Variants in ARHGAP11B observed in about 807,000 individuals in gnomAD.
ARHGAP11B encodes Rho GTPase activating protein 11B.
A neutral mutation model predicts 27.6 loss-of-function variants in ARHGAP11B; 14 were observed. The observed-to-expected ratio is 0.51, with a 90% CI of 0.34 to 0.79. ARHGAP11B has a LOEUF of 0.79. Ranked by LOEUF, ARHGAP11B falls within the 30% of genes least tolerant of loss-of-function variation. The pLI is 0.02. For missense variants in ARHGAP11B, 245 were observed against 320.1 expected (o/e 0.77, Z 1.79); for synonymous variants, 82 against 114.1 (o/e 0.72, Z 1.80).
chr15:30,637,059 T>A (rs1307525748), intron 6 of ARHGAP11B, among the ~76,000 whole-genome samples: 2 of 151,998 alleles, frequency 1.3e-5, no homozygotes, highest in East Asian at 3.9e-4. Flanking sequence ...ATGCAGATCA[T>A]CTTTATTGCC....
intron 7 of ARHGAP11B, among the ~76,000 whole-genome samples, chr15:30,643,515 G>T (rs2060327369): frequency 6.6e-6 from 1 of 152,132 alleles, no homozygotes; most frequent in Middle Eastern, 3.4e-3. Flanking sequence ...CTGACCTCAT[G>T]ATCCGCCTGC....
chr15:30,629,758 CAT>C (rs2060233053), intron 1 of ARHGAP11B, among the ~76,000 whole-genome samples: 1 of 152,014 alleles, frequency 6.6e-6, no homozygotes, highest in Non-Finnish European at 1.5e-5. Context: ...GCTCATAAAA[CAT>C]AAATGCTTCT....
chr15:30,643,037 A>G (rs1400985263), intron 7 of ARHGAP11B, among the ~76,000 whole-genome samples: 1 of 151,948 alleles, frequency 6.6e-6, no homozygotes, highest in Non-Finnish European at 1.5e-5. Context: ...CAGTACCCTG[A>G]TTGCTCCTTT....
chr15:30,633,391 C>A, intron 2 of ARHGAP11B, 99 bp from the exon 3 acceptor site: 1 of 986,782 alleles, frequency 1.0e-6, no homozygotes, highest in Non-Finnish European at 1.4e-6. Context: ...GGCTTTAGAG[C>A]CTCTGAAAGG....
intron 1 of ARHGAP11B, among the ~76,000 whole-genome samples, chr15:30,630,135 C>A (rs932937347): frequency 6.6e-6 from 1 of 152,064 alleles, no homozygotes; most frequent in Non-Finnish European, 1.5e-5. Context: ...CCTTGCTTAC[C>A]GCAGGGCATG....
intron 2 of ARHGAP11B, 74 bp downstream of exon 2, chr15:30,630,847 A>G (rs1022980056): frequency 5.6e-6 from 9 of 1,608,806 alleles, no homozygotes; most frequent in Non-Finnish European, 6.8e-6. Context: ...TGAGAGGCCG[A>G]GGTGGGCAGA....
chr15:30,648,124 T>TATAAA (rs2060362596), intron 10 of ARHGAP11B, among the ~76,000 whole-genome samples: 1 of 152,016 alleles, frequency 6.6e-6, no homozygotes, highest in East Asian at 1.9e-4. Context: ...GAGTATTGGT[T>TATAAA]ATAAAATACT....
At chr15:30,627,068 A>T (rs1411554868) in intron 1 of ARHGAP11B, 119 bp downstream of exon 1, 1 of 1,410,946 alleles carries the variant, frequency 7.1e-7, no homozygotes, top group Non-Finnish European at 9.4e-7. Flanking sequence ...TTAGGTGTGT[A>T]ATTCAGTTCA....
exon 6 of ARHGAP11B, chr15:30,635,624 C>T (rs750902247): frequency 8.1e-6 from 13 of 1,613,282 alleles, no homozygotes; most frequent in East Asian, 2.2e-5. Context: ...GAGAAGACAA[C>T]GTGTAGGAGG....
chr15:30,644,320 AC>A (rs1363254283), intron 7 of ARHGAP11B, among the ~76,000 whole-genome samples: 9 of 152,198 alleles, frequency 5.9e-5, no homozygotes, highest in South Asian at 2.1e-4. Context: ...TTACCTTGGC[AC>A]GGTACCCAAT....
In ARHGAP11B at chr15:30,635,459, T is replaced by C. The variant is rs776378363; in HGVS notation, c.661-28T>C. On this transcript the variant is annotated intron_variant, in intron 5 of 10. Coordinates refer to ENST00000428041, the Ensembl canonical transcript of ARHGAP11B. Reference sequence around the variant, plus strand: ...GGAAGAGTGGAGGAAGGATAATAATTGTCTTACTTGTGAACATTTTCATTT... The same window carrying C: ...GGAAGAGTGGAGGAAGGATAATAATCGTCTTACTTGTGAACATTTTCATTT... 4 of 1,605,312 alleles carry C rather than the reference T, an allele frequency of 2.5e-6. 1 individual carries two copies. Among genetic ancestry groups the C allele is most frequent in the Non-Finnish European group, 3.4e-6 (4 of 1,177,174 alleles).
intron 7 of ARHGAP11B, among the ~76,000 whole-genome samples, chr15:30,640,260 A>G (rs2060307604): frequency 8.3e-6 from 1 of 120,122 alleles, no homozygotes; most frequent in Non-Finnish European, 1.7e-5. Context: ...GGTATTTTTA[A>G]AGTTTTAGAC....
exon 11 of ARHGAP11B, among the ~76,000 whole-genome samples, chr15:30,648,340 T>A (rs1377359377): frequency 6.6e-6 from 1 of 151,954 alleles, no homozygotes; most frequent in South Asian, 2.1e-4. Context: ...GTAGATCAAG[T>A]GTTAGAAGGC....
exon 11 of ARHGAP11B, chr15:30,648,781 A>G (rs1042496222): frequency 5.9e-5 from 9 of 152,012 alleles, no homozygotes; most frequent in African/African-American, 2.2e-4. Context: ...TGGTATAATA[A>G]TTATTCTTCG....
chr15:30,632,495 C>T (rs568650922), intron 2 of ARHGAP11B, among the ~76,000 whole-genome samples: 2 of 151,710 alleles, frequency 1.3e-5, no homozygotes, highest in South Asian at 4.2e-4. Flanking sequence ...ATGACTAAAT[C>T]TTCATTGCAA....
intron 5 of ARHGAP11B, 46 bp downstream of exon 5, chr15:30,635,234 T>C (rs775032103): frequency 1.9e-6 from 3 of 1,603,128 alleles, no homozygotes; most frequent in African/African-American, 1.3e-5. Flanking sequence ...CGATTATGCA[T>C]CAGATATTGG....
At chr15:30,635,555 C>G (rs759484298) in exon 6 of ARHGAP11B, 32 of 1,613,032 alleles carry the variant, frequency 2.0e-5, no homozygotes, top group Non-Finnish European at 2.7e-5. Flanking sequence ...CTGTGCTACT[C>G]CATCACTGGA....
chr15:30,642,715 T>C (rs1033958329), intron 7 of ARHGAP11B, among the ~76,000 whole-genome samples: 1 of 152,036 alleles, frequency 6.6e-6, no homozygotes, highest in Non-Finnish European at 1.5e-5. Context: ...CAAATCTTGT[T>C]CTTTTTCCAG....
At position 30,635,193 on chromosome 15, in the gene ARHGAP11B, G is replaced by A. The variant is rs750307934; in HGVS notation, c.660+5G>A. ...TCTTCTAACGCAGAAAAGAAGGTAC[G>A]ATTACAGGCTGCAGTAGTACAGACT... On this transcript the variant is annotated splice_donor_5th_base_variant and intron_variant, in intron 5 of 10. Coordinates refer to ENST00000428041, the Ensembl canonical transcript of ARHGAP11B. 13 of 1,612,462 alleles carry A rather than the reference G, an allele frequency of 8.1e-6. No homozygotes were observed. In the South Asian group the frequency reaches 9.9e-5, roughly 12 times the overall value.
Sources: gnomAD v4.1 joint callset for allele counts (sites outside exome capture counted in the v4.1 genomes callset) on GRCh38, gnomAD v4.1.1 for gene constraint, MANE v1.5 for transcripts, NCBI Gene and HGNC (gene_info 2026-07-23, HGNC 2026-07-21) for gene names.